The following CD226 variants were observed in gnomAD, a reference collection of about 807,000 sequenced individuals.
The protein encoded by CD226 is CD226 antigen.
CD226 carries 24 observed loss-of-function variants against 34.9 expected under a neutral mutation model. That is an observed-to-expected ratio of 0.69 (90% CI 0.50 to 0.97). CD226 has a LOEUF of 0.97. CD226 is among the 50% of genes least tolerant of loss of function. CD226 has a pLI of 0.00. For synonymous variants in CD226, 148 were observed against 147.4 expected (o/e 1.00, Z -0.03); for missense variants, 397 against 412.7 (o/e 0.96, Z 0.33).
chr18:69,920,544 C>T (rs114741635), intron 2 of CD226, among the ~76,000 whole-genome samples: 5,240 of 152,202 alleles, frequency 0.034, 312 homozygotes, highest in African/African-American at 0.12. Context: ...TCTTTATACC[C>T]AGTAGTACTT....
chr18:69,869,503 G>A (rs554559267), intron 4 of CD226, among the ~76,000 whole-genome samples: 1 of 152,260 alleles, frequency 6.6e-6, no homozygotes, highest in East Asian at 1.9e-4. Context: ...GAGCCTACTG[G>A]AGGGCAGAGG....
In CD226 at chr18:69,856,327, T is replaced by C. The variant is rs1982608722; in HGVS notation, c.*7987A>G. ...AAACTAACAAAACTGCAAGGAGAAA[T>C]AGAAAAATCCACTATTTTACTTGCA... On this transcript the variant is annotated 3_prime_UTR_variant, in exon 6 of 6. Transcript: ENST00000582621. 2 of 152,052 alleles carry C rather than the reference T, an allele frequency of 1.3e-5. No individual in the cohort carries two copies. Among genetic ancestry groups the C allele is most frequent in the Admixed American group, 1.3e-4 (2 of 15,264 alleles). The allele number at this position is 152,052 out of a possible 1,614,324, so 9.4% of individuals were successfully genotyped here. A position where few individuals can be genotyped will look rare whatever the true frequency, so the allele number is the denominator to read the frequency against.
chr18:69,944,027 T>C (rs866482489), intron 2 of CD226, among the ~76,000 whole-genome samples: 21 of 151,344 alleles, frequency 1.4e-4, no homozygotes, highest in Non-Finnish European at 2.4e-4. Context: ...CTTTACAGTA[T>C]ACAAAAGTAC....
intron 2 of CD226, among the ~76,000 whole-genome samples, chr18:69,938,548 T>A (rs538346751): frequency 6.6e-6 from 1 of 152,368 alleles, no homozygotes; most frequent in South Asian, 2.1e-4. Context: ...CAAAGGCTAC[T>A]TTACAATTTA....
At chr18:69,931,038 G>A (rs1475295034) in intron 2 of CD226, among the ~76,000 whole-genome samples, 1 of 152,126 alleles carries the variant, frequency 6.6e-6, no homozygotes, top group Non-Finnish European at 1.5e-5. Flanking sequence ...ATACACCATG[G>A]AATACTATGC....
chr18:69,886,080 T>C (rs1568169042), intron 3 of CD226, among the ~76,000 whole-genome samples: 1 of 152,110 alleles, frequency 6.6e-6, no homozygotes, highest in Non-Finnish European at 1.5e-5. Flanking sequence ...GTTTTTCTCT[T>C]CCACTTTGAG....
chr18:69,874,904 T>C (rs1983767014), intron 3 of CD226, among the ~76,000 whole-genome samples: 1 of 152,212 alleles, frequency 6.6e-6, no homozygotes, highest in Non-Finnish European at 1.5e-5. Context: ...ACACATGATA[T>C]GATTTCCTTC....
At position 69,896,256 on chromosome 18, in the gene CD226, A is replaced by C. The variant is rs1051411682; in HGVS notation, c.383-211T>G. The C allele has an allele frequency of 6.8e-6, 4 of 588,118 alleles. No individual in the cohort carries two copies. In the African/African-American group the frequency reaches 8.4e-5, roughly 12 times the overall value. 36.4% of individuals were successfully genotyped at this position (588,118 alleles called of 1,614,324 possible). On this transcript the variant is annotated intron_variant, in intron 2 of 5. Coordinates refer to ENST00000582621, the MANE Select transcript of CD226 (RefSeq NM_001303618.2). ...GAGTGCAGTGGTGTGATCTCGGCTC[A>C]ATGCAACCTCCACCTCCCAGGTTCA...
chr18:69,961,181 C>CT (rs1302017211), upstream of CD226, among the ~76,000 whole-genome samples: 1 of 152,096 alleles, frequency 6.6e-6, no homozygotes, highest in African/African-American at 2.4e-5. Context: ...AATTGTGTGC[C>CT]TGTGTGAATA....
At chr18:69,953,315 G>A (rs1004448649) in intron 1 of CD226, among the ~76,000 whole-genome samples, 4 of 152,152 alleles carry the variant, frequency 2.6e-5, no homozygotes, top group Middle Eastern at 3.2e-3. Flanking sequence ...CGATCCAAGC[G>A]TCTGCCAACA....
intron 3 of CD226, among the ~76,000 whole-genome samples, chr18:69,891,121 T>C (rs1486353319): frequency 6.6e-6 from 1 of 151,824 alleles, no homozygotes; most frequent in Non-Finnish European, 1.5e-5. Context: ...ATTAAATGGA[T>C]TGTATATTCT....
intron 2 of CD226, among the ~76,000 whole-genome samples, chr18:69,912,976 A>T (rs2055343775): frequency 6.6e-6 from 1 of 152,192 alleles, no homozygotes; most frequent in Non-Finnish European, 1.5e-5. Flanking sequence ...TGCAACAAAC[A>T]GTTTGTCTCA....
intron 2 of CD226, among the ~76,000 whole-genome samples, chr18:69,929,164 A>C (rs865835389): frequency 2.0e-5 from 3 of 152,234 alleles, no homozygotes; most frequent in Admixed American, 6.5e-5. Flanking sequence ...AAATGCTGCC[A>C]AGCAGAAAAC....
At chr18:69,887,649 A>C (rs577727407) in intron 3 of CD226, among the ~76,000 whole-genome samples, 6 of 152,168 alleles carry the variant, frequency 3.9e-5, no homozygotes, top group Admixed American at 1.3e-4. Flanking sequence ...AATCCAACTG[A>C]GAGTATTAAC....
intron 2 of CD226, among the ~76,000 whole-genome samples, chr18:69,912,094 C>T (rs971672424): frequency 2.0e-5 from 3 of 152,096 alleles, no homozygotes; most frequent in African/African-American, 7.2e-5. Context: ...ACTGGCTAGC[C>T]ATATGTAGAA....
intron 3 of CD226, among the ~76,000 whole-genome samples, chr18:69,879,873 G>A (rs1984109947): frequency 6.6e-6 from 1 of 152,122 alleles, no homozygotes; most frequent in African/African-American, 2.4e-5. Context: ...ATGACAGCTG[G>A]TAATACAACC....
Position 69,861,554 on chromosome 18 carries a change from G to GTGTGTATATATATATATATA in CD226, c.*2759_*2760insTATATATATATATATACACA. The GTGTGTATATATATATATATA allele has an allele frequency of 7.8e-6, 1 of 127,950 alleles. No individual in the cohort carries two copies. The highest frequency in any genetic ancestry group is 2.4e-4 in the East Asian group (1 of 4,202). The allele number at this position is 127,950 out of a possible 1,614,324, so 7.9% of individuals were successfully genotyped here. The stretch of plus-strand genomic sequence containing the variant: ...ATAAATTATATGTGTATATATATAT[G>GTGTGTATATATATATATATA]TATATATATATATATATATGTAAAA... On this transcript the variant is annotated 3_prime_UTR_variant, in exon 6 of 6. Coordinates refer to ENST00000582621, the MANE Select transcript of CD226 (RefSeq NM_001303618.2).
At position 69,890,922 on chromosome 18, in the gene CD226, T is replaced by C. The variant is rs117099317; in HGVS notation, c.727+4779A>G. Among the ~76,000 whole-genome samples the C allele has an allele frequency of 5.3e-3, 793 of 149,198 alleles. 28 individuals carry two copies. In the East Asian group the frequency reaches 0.087, roughly 16 times the overall value. ...GTTCTACATTATCATGTGTAATCAA[T>C]AAATGATTTAATTCTTTTTTAAAAA... On this transcript the variant is annotated intron_variant, in intron 3 of 5. Coordinates refer to ENST00000582621, the MANE Select transcript of CD226 (RefSeq NM_001303618.2).
chr18:69,926,090 C>A (rs1438780126), intron 2 of CD226, among the ~76,000 whole-genome samples: 1 of 152,042 alleles, frequency 6.6e-6, no homozygotes, highest in Non-Finnish European at 1.5e-5. Context: ...TCGCAGTGTG[C>A]CAAGATTGCG....
Sources: gnomAD v4.1 joint callset for allele counts (sites outside exome capture counted in the v4.1 genomes callset) on GRCh38, gnomAD v4.1.1 for gene constraint, MANE v1.5 for transcripts, NCBI Gene and HGNC (gene_info 2026-07-23, HGNC 2026-07-21) for gene names.